UNC5CL: variants seen among roughly 807,000 people sequenced by gnomAD.
UNC5CL encodes UNC5C-like protein.
In UNC5CL, 42 loss-of-function variants were observed where a neutral mutation model predicts 54.1. The observed-to-expected ratio is 0.78, with a 90% confidence interval of 0.61 to 1.00. The LOEUF is 1.00. Among genes scored for constraint, UNC5CL ranks in the 50% least tolerant of loss-of-function variants. The pLI, the probability that UNC5CL is intolerant of heterozygous loss-of-function variation, is 0.00. For synonymous variants in UNC5CL, 285 were observed against 285.1 expected, an observed-to-expected ratio of 1.00 and a Z score of 0.00; for missense variants, 619 against 675.6, an observed-to-expected ratio of 0.92 and a Z score of 0.93.
In UNC5CL at chr6:41,030,671, G is replaced by A; in HGVS notation, c.1204C>T (p.Pro402Ser). The change falls in exon 7 of 9, where the codon CCG (proline) becomes TCG (serine). Residue 402 changes from proline to serine, a missense_variant. Coordinates refer to ENST00000244565, the MANE Select transcript of UNC5CL (RefSeq NM_173561.3). ...SWAAPPPVSQ[P>S]PPCNRLPPEL... ...CCGTCTCACCTATTGCATGGGGGCGGCTGGGAAACAGGTGGTGGCGCTGCC... is the reference window on the plus strand; with the variant it reads ...CCGTCTCACCTATTGCATGGGGGCGACTGGGAAACAGGTGGTGGCGCTGCC... 1 of 1,614,126 alleles carries A rather than the reference G, an allele frequency of 6.2e-7. No individual in the cohort carries two copies.
At chr6:41,030,528 G>A (rs1285148532) in intron 7 of UNC5CL, 27 bp from the exon 8 acceptor site, 1 of 1,613,622 alleles carries the variant, frequency 6.2e-7, no homozygotes, top group South Asian at 1.1e-5. Flanking sequence ...GGTGTTCTTG[G>A]AAGAAAGGGA....
Position 41,031,701 on chromosome 6 carries a change from T to A in UNC5CL, c.1099A>T (p.Thr367Ser). Residue 367 changes from threonine (T) to serine (S), a missense_variant, in exon 6 of 9, where the codon ACC becomes TCC. Coordinates refer to ENST00000244565, the MANE Select transcript of UNC5CL (RefSeq NM_173561.3). ...CSALTNEIIV[T>S]MHTFQDGLET... Reference sequence around the variant, plus strand: ...CTCACATCCTGGAAGGTGTGCATGGTGACAATGATCTCATTGGTTAGTGCT... The same window carrying A: ...CTCACATCCTGGAAGGTGTGCATGGAGACAATGATCTCATTGGTTAGTGCT... 6.2e-7 allele frequency: 1 copy of A among 1,614,146 alleles called. No homozygotes were observed. The highest frequency in any genetic ancestry group is 8.5e-7 in the Non-Finnish European group (1 of 1,180,028).
chr6:41,031,920 G>A, intron 5 of UNC5CL, 116 bp downstream of exon 5: 3 of 1,258,424 alleles, frequency 2.4e-6, no homozygotes, highest in Non-Finnish European at 1.1e-6. Flanking sequence ...TTCAGGGAAG[G>A]TCTGTGTGCA....
In UNC5CL at chr6:41,030,445, G is replaced by A. The variant is rs1561829174; in HGVS notation, c.1277C>T (p.Thr426Ile). 1.2e-6 allele frequency: 2 copies of A among 1,614,176 alleles called. No individual in the cohort carries two copies. The highest frequency in any genetic ancestry group is 1.7e-6 in the Non-Finnish European group (2 of 1,180,026). ...LRMLLEPNSI[T>I]GNDWRRLASH... ...GGCCAGTCTGCGCCAGTCATTGCCG[G>A]TGATGCTGTTTGGCTCCAATAACAT... Residue 426 changes from threonine (T) to isoleucine (I), a missense_variant, in exon 8 of 9, where the codon ACC becomes ATC. Transcript: ENST00000244565.
At position 41,028,249 on chromosome 6, in the gene UNC5CL, G is replaced by T; in HGVS notation, c.*124C>A. ...GCTGGCGAGGACGCGGGCGGCCCTG[G>T]CACCGTCCGAGGGTTCTGGGAAGGG... is the stretch of plus-strand genomic sequence containing the variant. On this transcript the variant is annotated 3_prime_UTR_variant, in exon 9 of 9. Coordinates refer to ENST00000244565, the MANE Select transcript of UNC5CL (RefSeq NM_173561.3). The surrounding 1 kb of genome is among the most constrained non-coding windows in gnomAD (Gnocchi z 4.3). 9.0e-7 allele frequency: 1 copy of T among 1,105,314 alleles called. No individual in the cohort carries two copies. The highest frequency in any genetic ancestry group is 1.2e-6 in the Non-Finnish European group (1 of 801,526). 68.5% of individuals were successfully genotyped at this position (1,105,314 alleles called of 1,614,324 possible). A position where few individuals can be genotyped will look rare whatever the true frequency, so the allele number is the denominator to read the frequency against.
chr6:41,032,807 G>A (rs1286599215), intron 4 of UNC5CL, 77 bp downstream of exon 4: 5 of 1,464,846 alleles, frequency 3.4e-6, no homozygotes, highest in South Asian at 2.9e-5. Context: ...ATCTCCAGAT[G>A]TCCAGGGGAG....
chr6:41,030,700 G>T lies in UNC5CL; in HGVS notation c.1175C>A (p.Ser392Tyr). The T allele has an allele frequency of 6.2e-7, 1 of 1,614,066 alleles. No individual in the cohort carries two copies. The highest frequency in any genetic ancestry group is 2.2e-5 in the East Asian group (1 of 44,878). ...GGAAACAGGTGGTGGCGCTGCCCAG[G>T]ATTCCTCCTCTGATGCCTGGAATCT... ...ILRFQASEEE[S>Y]WAAPPPVSQP... Residue 392 changes from serine to tyrosine, a missense_variant, in exon 7 of 9, where the codon TCC becomes TAC. By Grantham distance (144) the Ser-to-Tyr change is moderately radical. Transcript: ENST00000244565.
At chr6:41,031,364 G>A (rs533561618) in intron 6 of UNC5CL, among the ~76,000 whole-genome samples, 2 of 152,302 alleles carry the variant, frequency 1.3e-5, no homozygotes, top group East Asian at 1.9e-4. Flanking sequence ...CTCAAATGTA[G>A]ACAATCAGCC....
intron 1 of UNC5CL, among the ~76,000 whole-genome samples, chr6:41,035,876 T>C (rs1762517646): frequency 6.6e-6 from 1 of 152,178 alleles, no homozygotes; most frequent in South Asian, 2.1e-4. Context: ...ACCTCCTGCC[T>C]CAATACTGCT....
chr6:41,032,339 C>A (rs1470290643), intron 4 of UNC5CL, among the ~76,000 whole-genome samples: 1 of 152,298 alleles, frequency 6.6e-6, no homozygotes, highest in African/African-American at 2.4e-5. Flanking sequence ...TGGGGTATAA[C>A]CCCTCTCCTT....
chr6:41,033,751 C>T, intron 3 of UNC5CL, 130 bp downstream of exon 3: 1 of 1,083,402 alleles, frequency 9.2e-7, no homozygotes, highest in African/African-American at 1.6e-5. Flanking sequence ...AAAGAGACAC[C>T]AGGGGATAAA....
Position 41,028,363 on chromosome 6 carries a change from C to T in UNC5CL, c.*10G>A. ...CCCCTACACCTCCTCCGGCCCTGCC[C>T]GCTGGGCGCTCAGAGCTTCTCGTCC... On this transcript the variant is annotated 3_prime_UTR_variant, in exon 9 of 9. Coordinates refer to ENST00000244565, the MANE Select transcript of UNC5CL (RefSeq NM_173561.3). The surrounding 1 kb of genome is among the most constrained non-coding windows in gnomAD (Gnocchi z 4.3). 1 of 1,561,222 alleles carries T rather than the reference C, an allele frequency of 6.4e-7. No homozygotes were observed.
At position 41,027,920 on chromosome 6, in the gene UNC5CL, T is replaced by G. The variant is rs1326716416; in HGVS notation, c.*453A>C. 1 of 156,954 alleles carries G rather than the reference T, an allele frequency of 6.4e-6. No individual in the cohort carries two copies. Among genetic ancestry groups the G allele is most frequent in the African/African-American group, 2.4e-5 (1 of 41,590 alleles). The allele number at this position is 156,954 out of a possible 1,614,324, so 9.7% of individuals were successfully genotyped here. ...GGCTGTTTTCGAGTTTGCCCTTGGC[T>G]CCTATGAGCACATCTTGACTCCTGC... On this transcript the variant is annotated 3_prime_UTR_variant, in exon 9 of 9. Transcript: ENST00000244565.
intron 2 of UNC5CL, 47 bp from the exon 3 acceptor site, chr6:41,034,228 C>G (rs779504641): frequency 6.5e-7 from 1 of 1,544,332 alleles, no homozygotes; most frequent in Non-Finnish European, 8.7e-7. Context: ...GGCAGGCACA[C>G]CCCTGCCCCT....
chr6:41,037,632 G>GA (rs1258505151), intron 1 of UNC5CL, among the ~76,000 whole-genome samples: 1 of 152,216 alleles, frequency 6.6e-6, no homozygotes, highest in African/African-American at 2.4e-5. Flanking sequence ...TGTCCTCACT[G>GA]AAAGTGTGAA....
In UNC5CL at chr6:41,028,738, T is replaced by A; in HGVS notation, c.1335-143A>T. The A allele has an allele frequency of 1.2e-6, 1 of 804,914 alleles. No individual in the cohort carries two copies. The highest frequency in any genetic ancestry group is 1.9e-6 in the Non-Finnish European group (1 of 523,662). 49.9% of individuals were successfully genotyped at this position (804,914 alleles called of 1,614,324 possible). A position where few individuals can be genotyped will look rare whatever the true frequency, so the allele number is the denominator to read the frequency against. On this transcript the variant is annotated intron_variant, in intron 8 of 8. Transcript: ENST00000244565. This position sits in a 1 kb window ranked among gnomAD's most constrained non-coding sequence, Gnocchi z 4.3. ...TGTCCTTGTCCTGCTCTTGCCTGCCTTCCAGGGCACAGGAGGTGGGAAGCC... is the reference window on the plus strand; with the variant it reads ...TGTCCTTGTCCTGCTCTTGCCTGCCATCCAGGGCACAGGAGGTGGGAAGCC...
chr6:41,032,226 C>A (rs1762463100), intron 4 of UNC5CL, 89 bp from the exon 5 acceptor site: 2 of 1,086,862 alleles, frequency 1.8e-6, no homozygotes, highest in Admixed American at 3.9e-5. Flanking sequence ...GAGGACAGAA[C>A]AAAGGCAGGA....
Position 41,034,198 on chromosome 6 carries a change from G to T in UNC5CL, c.386-17C>A. On this transcript the variant is annotated splice_polypyrimidine_tract_variant and intron_variant, in intron 2 of 8. Transcript: ENST00000244565. ...CCACAGCACCTGGCAGGGAGAGGGA[G>T]AGCTGAGATGGGCCTGGTAGGCAGG... The T allele has an allele frequency of 6.3e-7, 1 of 1,588,250 alleles. No homozygotes were observed. Among genetic ancestry groups the T allele is most frequent in the Non-Finnish European group, 8.6e-7 (1 of 1,166,996 alleles).
At chr6:41,032,424 C>A (rs1762465392) in intron 4 of UNC5CL, among the ~76,000 whole-genome samples, 1 of 152,222 alleles carries the variant, frequency 6.6e-6, no homozygotes. Context: ...GTGGTCAAAG[C>A]CCTGGGGGCT....
Sources: gnomAD v4.1 joint callset for allele counts (sites outside exome capture counted in the v4.1 genomes callset) on GRCh38, gnomAD v4.1.1 for gene constraint, Gnocchi (gnomAD v3.1) non-coding constraint, MANE v1.5 for transcripts, NCBI Gene and HGNC (gene_info 2026-07-23, HGNC 2026-07-21) for gene names.